The following NELL2 variants were observed in gnomAD, a reference collection of about 807,000 sequenced individuals.
NELL2 encodes the protein protein kinase C-binding protein NELL2.
A neutral mutation model predicts 109.6 loss-of-function variants in NELL2; 41 were observed. That is an observed-to-expected ratio of 0.37 (90% CI 0.29 to 0.49). NELL2 has a LOEUF of 0.49. Among genes scored for constraint, NELL2 ranks in the 20% least tolerant of loss-of-function variants. The pLI is 0.98. For synonymous variants in NELL2, 355 were observed against 344.7 expected (o/e 1.03, Z -0.33); for missense variants, 900 against 1,008.3 (o/e 0.89, Z 1.45).
intron 2 of NELL2, among the ~76,000 whole-genome samples, chr12:44,834,895 C>A (rs1944004849): frequency 6.6e-6 from 1 of 151,914 alleles, no homozygotes; most frequent in Admixed American, 6.6e-5. Context: ...TGTCGTGTTG[C>A]CAGGAGAAGG....
At chr12:44,792,519 A>T (rs184506546) in intron 3 of NELL2, among the ~76,000 whole-genome samples, 19 of 152,290 alleles carry the variant, frequency 1.2e-4, no homozygotes, top group Middle Eastern at 3.4e-3. Flanking sequence ...ATAAAAATTA[A>T]ATCTTTTTCA....
At chr12:44,521,494 C>T (rs1308030475) in intron 18 of NELL2, among the ~76,000 whole-genome samples, 1 of 145,748 alleles carries the variant, frequency 6.9e-6, no homozygotes, top group East Asian at 2.0e-4. Context: ...GGTGCCACTG[C>T]ACTCCAGCCT....
chr12:44,729,491 T>C (rs114814744), intron 9 of NELL2, among the ~76,000 whole-genome samples: 1,972 of 150,810 alleles, frequency 0.013, 35 homozygotes, highest in African/African-American at 0.041. Context: ...CAATAGTAAG[T>C]CCTACTCGAT....
chr12:44,521,552 G>A (rs866484213), intron 18 of NELL2, among the ~76,000 whole-genome samples: 112 of 145,746 alleles, frequency 7.7e-4, no homozygotes, highest in African/African-American at 2.6e-3. Context: ...AGAAGGTTGC[G>A]GTGGTGGGGG....
intron 3 of NELL2, among the ~76,000 whole-genome samples, chr12:44,814,292 G>C (rs1357342821): frequency 6.6e-6 from 1 of 152,154 alleles, no homozygotes; most frequent in East Asian, 1.9e-4. Flanking sequence ...GGAAGTGGGA[G>C]AAAGTCACAG....
intron 13 of NELL2, among the ~76,000 whole-genome samples, chr12:44,632,973 T>C (rs556478848): frequency 1.3e-5 from 2 of 151,838 alleles, no homozygotes; most frequent in East Asian, 3.9e-4. Flanking sequence ...GAAAATCATG[T>C]ATGGAAAAAA....
chr12:44,682,076 C>G (rs1347838891), intron 12 of NELL2, among the ~76,000 whole-genome samples: 1 of 150,596 alleles, frequency 6.6e-6, no homozygotes, highest in Non-Finnish European at 1.5e-5. Flanking sequence ...CTCTCCAGCA[C>G]CTGTTGTTTC....
At chr12:44,627,869 A>T (rs960290985) in intron 13 of NELL2, among the ~76,000 whole-genome samples, 4 of 152,210 alleles carry the variant, frequency 2.6e-5, no homozygotes, top group African/African-American at 9.7e-5. Flanking sequence ...TAGCAACCAG[A>T]TGATTTTGAT....
chr12:44,558,026 A>G (rs991352593), intron 15 of NELL2, among the ~76,000 whole-genome samples: 6 of 152,244 alleles, frequency 3.9e-5, no homozygotes, highest in African/African-American at 1.4e-4. Context: ...TGGAACATCA[A>G]GAAAATAGAG....
intron 12 of NELL2, among the ~76,000 whole-genome samples, chr12:44,701,654 G>C (rs143271649): frequency 6.6e-6 from 1 of 152,024 alleles, no homozygotes; most frequent in African/African-American, 2.4e-5. Context: ...AAGTATTTTT[G>C]GCTCTACTTT....
rs192019249 is a variant in NELL2, at chr12:44,701,845, T to C, written c.1318+1881A>G. 4.5e-4 allele frequency among the ~76,000 whole-genome samples: 69 copies of C among 152,194 alleles called. 1 individual carries two copies. The highest frequency in any genetic ancestry group is 1.6e-3 in the African/African-American group (65 of 41,534). ...CACACTGGAGCCAGAACTATCCTTT[T>C]CAATACAGGGCTGAGCATATCACTC... is the stretch of plus-strand genomic sequence containing the variant. On this transcript the variant is annotated intron_variant, in intron 12 of 19. Transcript: ENST00000429094.
intron 9 of NELL2, among the ~76,000 whole-genome samples, chr12:44,773,454 C>T (rs546809388): frequency 1.5e-4 from 23 of 151,344 alleles, no homozygotes; most frequent in Admixed American, 1.3e-4. Context: ...CCAGCCTGGG[C>T]GACAGAGCGA....
chr12:44,587,284 A>AAAAAAAAAAAAAT, intron 15 of NELL2, among the ~76,000 whole-genome samples: 8 of 72,216 alleles, frequency 1.1e-4, no homozygotes, highest in African/African-American at 3.0e-4. Context: ...AAAAAAAAAA[A>AAAAAAAAAAAAAT]ATATATATAT....
intron 15 of NELL2, among the ~76,000 whole-genome samples, chr12:44,572,101 T>G (rs1269311407): frequency 6.6e-6 from 1 of 152,178 alleles, no homozygotes; most frequent in Non-Finnish European, 1.5e-5. Flanking sequence ...CATTACATTT[T>G]ATTTATAAAC....
chr12:44,834,733 T>G (rs1460676580), intron 2 of NELL2, among the ~76,000 whole-genome samples: 1 of 151,718 alleles, frequency 6.6e-6, no homozygotes. Context: ...TTTAATAACC[T>G]CCATCCCACC....
intron 1 of NELL2, among the ~76,000 whole-genome samples, chr12:44,898,003 C>T (rs1322871062): frequency 6.6e-6 from 1 of 152,172 alleles, no homozygotes; most frequent in Admixed American, 6.5e-5. Flanking sequence ...CTGTTGGGAA[C>T]TTCAGACTGG....
At chr12:44,768,427 T>C (rs1376474940) in intron 9 of NELL2, among the ~76,000 whole-genome samples, 2 of 152,146 alleles carry the variant, frequency 1.3e-5, no homozygotes, top group African/African-American at 4.8e-5. Context: ...AGAGAAAACA[T>C]TCCCTATCAG....
chr12:44,740,592 A>C (rs1192063769), intron 9 of NELL2, among the ~76,000 whole-genome samples: 1 of 152,218 alleles, frequency 6.6e-6, no homozygotes. Context: ...AAGAAAACTT[A>C]CTATAGCATT....
chr12:44,751,427 T>C (rs2136527433), intron 9 of NELL2, among the ~76,000 whole-genome samples: 1 of 152,224 alleles, frequency 6.6e-6, no homozygotes, highest in East Asian at 1.9e-4. Flanking sequence ...ATTTGAATCA[T>C]AGTTTATCTT....
Sources: allele counts gnomAD v4.1 joint callset (sites outside exome capture counted in the v4.1 genomes callset), GRCh38; gene constraint gnomAD v4.1.1; transcripts MANE v1.5; gene names NCBI Gene and HGNC (gene_info 2026-07-23, HGNC 2026-07-21).